The following SLA variants were observed in gnomAD, a reference collection of about 807,000 sequenced individuals.
SLA encodes src-like-adapter.
A neutral mutation model predicts 30.3 loss-of-function variants in SLA; 16 were observed. That is an observed-to-expected ratio of 0.53 (90% confidence interval 0.36 to 0.80). SLA has a LOEUF of 0.80. Ranked by LOEUF, SLA falls within the 30% of genes least tolerant of loss-of-function variation. The pLI, the probability that SLA is intolerant of heterozygous loss-of-function variation, is 0.01. For synonymous variants in SLA, 143 were observed against 137.8 expected (o/e 1.04, Z -0.26); for missense variants, 310 against 345.2 (o/e 0.90, Z 0.81).
chr8:133,084,930 C>A (rs1307344873), intron 1 of SLA, among the ~76,000 whole-genome samples: 1 of 152,190 alleles, frequency 6.6e-6, no homozygotes, highest in East Asian at 1.9e-4. Flanking sequence ...AGAAAAATGG[C>A]CTGAATCCAA....
At chr8:133,064,413 T>C (rs1286142963) in intron 2 of SLA, among the ~76,000 whole-genome samples, 1 of 152,240 alleles carries the variant, frequency 6.6e-6, no homozygotes, top group African/African-American at 2.4e-5. Flanking sequence ...CTGCAGATAT[T>C]GTTGTATTTA....
intron 3 of SLA, among the ~76,000 whole-genome samples, chr8:133,052,366 G>A (rs1479560075): frequency 6.6e-6 from 1 of 152,206 alleles, no homozygotes; most frequent in African/African-American, 2.4e-5. Context: ...CCATGTAAAA[G>A]CAAGAGTTTC....
intron 3 of SLA, among the ~76,000 whole-genome samples, chr8:133,051,857 G>T (rs1840472082): frequency 2.0e-5 from 3 of 152,146 alleles, no homozygotes; most frequent in South Asian, 2.1e-4. Flanking sequence ...CCACCTGCTG[G>T]CTGGGACTTT....
intron 1 of SLA, among the ~76,000 whole-genome samples, chr8:133,095,903 C>G (rs1848331660): frequency 6.6e-6 from 1 of 152,210 alleles, no homozygotes; most frequent in Non-Finnish European, 1.5e-5. Context: ...TCTTCAACCA[C>G]TGTCTCCTCC....
intron 3 of SLA, among the ~76,000 whole-genome samples, chr8:133,052,580 C>T (rs1281452227): frequency 6.6e-6 from 1 of 152,202 alleles, no homozygotes; most frequent in African/African-American, 2.4e-5. Context: ...GGGATTCTTC[C>T]CTGTGTAGCT....
chr8:133,094,309 C>T (rs915447348), intron 1 of SLA, among the ~76,000 whole-genome samples: 1 of 146,552 alleles, frequency 6.8e-6, no homozygotes, highest in Non-Finnish European at 1.5e-5. Context: ...GGTGCGATCT[C>T]GGTCCACTGC....
intron 1 of SLA, among the ~76,000 whole-genome samples, chr8:133,082,807 A>G (rs1472441709): frequency 6.7e-6 from 1 of 149,986 alleles, no homozygotes; most frequent in Non-Finnish European, 1.5e-5. Flanking sequence ...ATGCCTTAAT[A>G]CTTTCATGGC....
chr8:133,093,690 C>T (rs1222760223), intron 1 of SLA, among the ~76,000 whole-genome samples: 1 of 152,160 alleles, frequency 6.6e-6, no homozygotes, highest in African/African-American at 2.4e-5. Context: ...GCCACATGTC[C>T]CTTCTTGAGC....
At chr8:133,070,004 A>G in intron 2 of SLA, among the ~76,000 whole-genome samples, 1 of 74,328 alleles carries the variant, frequency 1.3e-5, no homozygotes, top group Non-Finnish European at 3.5e-5. Context: ...CCAGCTCCAA[A>G]AAAAAAAAAA....
intron 1 of SLA, among the ~76,000 whole-genome samples, chr8:133,087,120 A>G (rs1846714614): frequency 7.8e-6 from 1 of 127,658 alleles, no homozygotes; most frequent in East Asian, 2.3e-4. Context: ...ACACACACAC[A>G]CACGGAAGAG....
chr8:133,057,321 A>C (rs1274727720), intron 3 of SLA, among the ~76,000 whole-genome samples: 1 of 152,190 alleles, frequency 6.6e-6, no homozygotes, highest in Non-Finnish European at 1.5e-5. Flanking sequence ...GTATTAAAAA[A>C]TCCTGTACTG....
Position 133,036,777 on chromosome 8 carries a change from A to C in SLA, c.*1747T>G, listed in dbSNP as rs777828708. 5.9e-5 allele frequency: 9 copies of C among 152,662 alleles called. No individual in the cohort carries two copies. The highest frequency in any genetic ancestry group is 1.3e-4 in the Non-Finnish European group (9 of 68,050). 9.5% of individuals were successfully genotyped at this position (152,662 alleles called of 1,614,324 possible). On this transcript the variant is annotated 3_prime_UTR_variant, in exon 9 of 9. Coordinates refer to ENST00000338087, the MANE Select transcript of SLA (RefSeq NM_001045556.3). ...GTTTGTTTTAATCAGGAATAAATAC[A>C]TGATTTAGCAAAGTGTAATGCTTCC... is the stretch of plus-strand genomic sequence containing the variant.
intron 2 of SLA, among the ~76,000 whole-genome samples, chr8:133,066,360 GAACAA>G (rs1239827446): frequency 2.0e-5 from 3 of 150,238 alleles, no homozygotes; most frequent in African/African-American, 4.9e-5. Context: ...TACTGCTGTG[GAACAA>G]AACAAAAGAA....
intron 1 of SLA, among the ~76,000 whole-genome samples, chr8:133,090,645 C>T (rs1427711262): frequency 6.6e-6 from 1 of 152,196 alleles, no homozygotes; most frequent in Non-Finnish European, 1.5e-5. Context: ...ATACAACCAA[C>T]TTTGAGTGCA....
chr8:133,058,284 G>A (rs952232101), intron 3 of SLA, among the ~76,000 whole-genome samples: 9 of 152,162 alleles, frequency 5.9e-5, no homozygotes, highest in Admixed American at 2.6e-4. Context: ...GCTTGATGTG[G>A]TTGCCTGGAT....
intron 2 of SLA, among the ~76,000 whole-genome samples, chr8:133,065,892 T>A (rs1012788956): frequency 1.3e-5 from 2 of 152,178 alleles, no homozygotes; most frequent in African/African-American, 4.8e-5. Flanking sequence ...ATCTCTTGGA[T>A]GTCACTTGGC....
chr8:133,081,356 A>T (rs1257201502), intron 1 of SLA, among the ~76,000 whole-genome samples: 1 of 152,248 alleles, frequency 6.6e-6, no homozygotes, highest in Non-Finnish European at 1.5e-5. Context: ...GTGAATGGTG[A>T]CTTTTCACCT....
intron 3 of SLA, among the ~76,000 whole-genome samples, chr8:133,057,278 C>A (rs1262554457): frequency 6.6e-6 from 1 of 152,108 alleles, no homozygotes; most frequent in Non-Finnish European, 1.5e-5. Context: ...GGAAATATGC[C>A]ATTTCCTGAC....
chr8:133,038,340 G>A lies in SLA; in HGVS notation c.*184C>T. The A allele has an allele frequency of 1.6e-6, 1 of 609,972 alleles. No individual in the cohort carries two copies. The highest frequency in any genetic ancestry group is 2.9e-6 in the Non-Finnish European group (1 of 343,578). 37.8% of individuals were successfully genotyped at this position (609,972 alleles called of 1,614,324 possible). ...TGCCACAGCCCTGATCAGACACCAG[G>A]GAGGGGTTCCTTTGGTCATGATGTG... is the stretch of plus-strand genomic sequence containing the variant. On this transcript the variant is annotated 3_prime_UTR_variant, in exon 9 of 9. Coordinates refer to ENST00000338087, the MANE Select transcript of SLA (RefSeq NM_001045556.3).
Sources: gnomAD v4.1 joint callset for allele counts (sites outside exome capture counted in the v4.1 genomes callset) on GRCh38, gnomAD v4.1.1 for gene constraint, MANE v1.5 for transcripts, NCBI Gene and HGNC (gene_info 2026-07-23, HGNC 2026-07-21) for gene names.